The following CADM2 variants were observed in gnomAD, a reference collection of about 807,000 sequenced individuals.
The protein encoded by CADM2 is cell adhesion molecule 2, also known as immunoglobulin superfamily member 4D.
Under a neutral mutation model 49.8 loss-of-function variants are expected in CADM2, and 12 were observed. That is an observed-to-expected ratio of 0.24 (90% CI 0.15 to 0.39). The LOEUF is 0.39. Ranked by LOEUF, CADM2 falls within the 10% of genes least tolerant of loss-of-function variation. The pLI is 1.00. For missense variants in CADM2, 378 were observed against 492.3 expected, an observed-to-expected ratio of 0.77 and a Z score of 2.20; for synonymous variants, 214 against 175.4, an observed-to-expected ratio of 1.22 and a Z score of -1.74.
intron 1 of CADM2, among the ~76,000 whole-genome samples, chr3:85,014,154 G>A (rs2034139963): frequency 7.0e-6 from 1 of 142,710 alleles, no homozygotes; most frequent in African/African-American, 2.6e-5. Flanking sequence ...GTGTAATATT[G>A]TATATTATAT....
chr3:86,003,551 T>C (rs1730429023), intron 8 of CADM2, among the ~76,000 whole-genome samples: 1 of 152,174 alleles, frequency 6.6e-6, no homozygotes. Context: ...AATTAATAAA[T>C]GTAAAGTGTT....
intron 3 of CADM2, among the ~76,000 whole-genome samples, chr3:85,856,586 T>C (rs1422064780): frequency 6.6e-6 from 1 of 152,208 alleles, no homozygotes; most frequent in African/African-American, 2.4e-5. Context: ...AGAAATATGG[T>C]CAAGGATTAC....
chr3:86,013,907 C>T (rs1731863401), intron 8 of CADM2: 28 of 1,593,882 alleles, frequency 1.8e-5, no homozygotes, highest in Non-Finnish European at 2.4e-5. Flanking sequence ...AAGCTATCTA[C>T]ACACTCTGAA....
At chr3:86,022,689 C>T (rs527935899) in intron 8 of CADM2, among the ~76,000 whole-genome samples, 2 of 152,154 alleles carry the variant, frequency 1.3e-5, no homozygotes, top group South Asian at 4.1e-4. Flanking sequence ...CACATACACA[C>T]ACATGCACTT....
intron 1 of CADM2, among the ~76,000 whole-genome samples, chr3:85,254,378 C>T (rs1318058402): frequency 6.6e-6 from 1 of 151,902 alleles, no homozygotes; most frequent in Non-Finnish European, 1.5e-5. Context: ...ATTGTGTAAT[C>T]ATGGTTGATT....
intron 1 of CADM2, among the ~76,000 whole-genome samples, chr3:85,684,683 A>G (rs1056603707): frequency 9.9e-5 from 15 of 152,174 alleles, no homozygotes; most frequent in African/African-American, 3.6e-4. Context: ...AGATATGATA[A>G]TGGTGGCAGA....
intron 1 of CADM2, among the ~76,000 whole-genome samples, chr3:85,392,915 T>G (rs1413181543): frequency 6.6e-6 from 1 of 152,194 alleles, no homozygotes; most frequent in East Asian, 1.9e-4. Context: ...AATTTTCTTT[T>G]TCTGTGTTGT....
rs568139958 is a variant in CADM2, at chr3:85,609,989, A to G, written c.62-116533A>G. Among the ~76,000 whole-genome samples, 42 of 152,168 alleles carry G rather than the reference A, an allele frequency of 2.8e-4. No homozygotes were observed. In the South Asian group the frequency reaches 8.7e-3, roughly 31 times the overall value. On this transcript the variant is annotated intron_variant, in intron 1 of 9. Coordinates refer to ENST00000383699, the MANE Select transcript of CADM2 (RefSeq NM_001167675.2). ...CGATAGAACTGTACACATTTGTAAAATAATATTTCCGCTGTATTTATGACA... is the reference window on the plus strand; with the variant it reads ...CGATAGAACTGTACACATTTGTAAAGTAATATTTCCGCTGTATTTATGACA...
chr3:85,012,447 T>C (rs769837681), intron 1 of CADM2, among the ~76,000 whole-genome samples: 1 of 150,360 alleles, frequency 6.7e-6, no homozygotes, highest in Non-Finnish European at 1.5e-5. Flanking sequence ...GACTTTTATT[T>C]TTCACAGTGC....
chr3:85,173,736 A>G (rs2040699950), intron 1 of CADM2, among the ~76,000 whole-genome samples: 1 of 152,204 alleles, frequency 6.6e-6, no homozygotes, highest in African/African-American at 2.4e-5. Flanking sequence ...TTCAAGTTTT[A>G]AGCTATAGCG....
At chr3:85,237,920 A>G (rs1046139967) in intron 1 of CADM2, among the ~76,000 whole-genome samples, 9 of 151,824 alleles carry the variant, frequency 5.9e-5, no homozygotes, top group African/African-American at 1.9e-4. Context: ...ATTTGATCAT[A>G]TATTTTTTGG....
intron 5 of CADM2, among the ~76,000 whole-genome samples, chr3:85,904,177 G>T (rs1253206023): frequency 6.6e-6 from 1 of 152,114 alleles, no homozygotes; most frequent in Non-Finnish European, 1.5e-5. Flanking sequence ...TGGGCAAAAT[G>T]GTGGTAGCTT....
intron 1 of CADM2, among the ~76,000 whole-genome samples, chr3:85,068,643 A>G (rs2036606901): frequency 6.6e-6 from 1 of 152,202 alleles, no homozygotes; most frequent in Non-Finnish European, 1.5e-5. Flanking sequence ...CTCAGGAACC[A>G]TTTGTATAAG....
At chr3:85,434,571 A>G (rs956036203) in intron 1 of CADM2, among the ~76,000 whole-genome samples, 2 of 152,070 alleles carry the variant, frequency 1.3e-5, no homozygotes, top group African/African-American at 4.8e-5. Flanking sequence ...CATTCCTATG[A>G]CGATTATTGA....
At chr3:85,127,843 C>G (rs919726567) in intron 1 of CADM2, among the ~76,000 whole-genome samples, 2 of 152,042 alleles carry the variant, frequency 1.3e-5, no homozygotes, top group African/African-American at 4.8e-5. Context: ...CATAATTGCC[C>G]TTGATTTTTT....
chr3:85,295,518 A>G (rs1334102429), intron 1 of CADM2, among the ~76,000 whole-genome samples: 2 of 152,140 alleles, frequency 1.3e-5, no homozygotes, highest in African/African-American at 4.8e-5. Flanking sequence ...ATTATTCACA[A>G]TAGCAAAGAC....
At chr3:85,058,437 C>CT (rs916272159) in intron 1 of CADM2, among the ~76,000 whole-genome samples, 2 of 151,728 alleles carry the variant, frequency 1.3e-5, no homozygotes, top group South Asian at 2.1e-4. Context: ...AAATGACTTT[C>CT]TTTTTTTTCT....
chr3:86,042,239 T>A (rs1040555797), intron 8 of CADM2, among the ~76,000 whole-genome samples: 1 of 151,904 alleles, frequency 6.6e-6, no homozygotes, highest in African/African-American at 2.4e-5. Flanking sequence ...AGAGCAGAAC[T>A]GAAGGAAATA....
intron 7 of CADM2, among the ~76,000 whole-genome samples, chr3:85,936,447 A>G (rs1577707462): frequency 6.6e-6 from 1 of 151,952 alleles, no homozygotes; most frequent in East Asian, 1.9e-4. Context: ...TAGCTAGTCA[A>G]GGAATACCAA....
Sources: allele counts gnomAD v4.1 joint callset (sites outside exome capture counted in the v4.1 genomes callset), GRCh38; gene constraint gnomAD v4.1.1; transcripts MANE v1.5; gene names NCBI Gene and HGNC (gene_info 2026-07-23, HGNC 2026-07-21).